The following EMC7 variants were observed in gnomAD, a reference collection of about 807,000 sequenced individuals.
EMC7 encodes ER membrane protein complex subunit 7, also known as endoplasmic reticulum membrane protein complex subunit 7.
In EMC7, 4 loss-of-function variants were observed where a neutral mutation model predicts 24.4. The ratio of observed to expected loss-of-function variants is 0.16; its 90% CI spans 0.08 to 0.38. The LOEUF is 0.38. Ranked by LOEUF, EMC7 falls within the 10% of genes least tolerant of loss-of-function variation. The pLI is 1.00. For synonymous variants in EMC7, 106 were observed against 112.0 expected (o/e 0.95, Z 0.34); for missense variants, 221 against 300.6 (o/e 0.74, Z 1.96).
chr15:34,088,964 C>G (rs1328248645), intron 3 of EMC7, among the ~76,000 whole-genome samples: 1 of 152,168 alleles, frequency 6.6e-6, no homozygotes, highest in East Asian at 1.9e-4. Flanking sequence ...TCAAGCAGTT[C>G]TCCTGCCTCA....
In EMC7 at chr15:34,096,011, T is replaced by C; in HGVS notation, c.240A>G (p.Thr80=). The change falls in exon 2 of 5, where the codon ACA becomes ACG. Residue 80 remains threonine (T), a synonymous_variant. Transcript: ENST00000256545. The part of the protein sequence containing the change: ...DGEEHVGFLK[T]DGSFVVHDIP... ...TATCATGAACCACAAAACTCCCATC[T>C]GTCCTGGAAAAATGAAAATCATGTT... The C allele has an allele frequency of 6.4e-7, 1 of 1,554,656 alleles. No homozygotes were observed. The highest frequency in any genetic ancestry group is 1.7e-5 in the Admixed American group (1 of 58,268).
At position 34,094,422 on chromosome 15, in the gene EMC7, C is replaced by T. The variant is rs567011159; in HGVS notation, c.356+1473G>A. On this transcript the variant is annotated intron_variant, in intron 2 of 4. Transcript: ENST00000256545. ...TGGTGGTAGGTGCCTGTAGTCCCAG[C>T]TACTTAGGAGGCTGAGGCAGAAGAA... is the stretch of plus-strand genomic sequence containing the variant. 9.2e-5 allele frequency among the ~76,000 whole-genome samples: 14 copies of T among 152,184 alleles called. 1 individual carries two copies. Among genetic ancestry groups the T allele is most frequent in the South Asian group, 4.1e-4 (2 of 4,824 alleles).
intron 4 of EMC7, 105 bp from the exon 5 acceptor site, chr15:34,084,591 CTGG>C: frequency 7.6e-7 from 1 of 1,311,396 alleles, no homozygotes; most frequent in Non-Finnish European, 1.1e-6. Context: ...GTGAAAGGTA[CTGG>C]TTCTGAGCAA....
intron 1 of EMC7, among the ~76,000 whole-genome samples, chr15:34,097,039 C>CTTCTTCTTTT (rs1555523492): frequency 1.0e-5 from 1 of 97,622 alleles, no homozygotes; most frequent in Non-Finnish European, 1.9e-5. Flanking sequence ...TGTTCTTCTT[C>CTTCTTCTTTT]TTTTTTTTTT....
chr15:34,088,907 G>C (rs76350713), intron 3 of EMC7, among the ~76,000 whole-genome samples: 2 of 152,058 alleles, frequency 1.3e-5, no homozygotes, highest in African/African-American at 4.8e-5. Context: ...CCGGGCTGAA[G>C]TGTGGTGGTG....
chr15:34,093,823 A>ATATTTTTTTTT (rs1190830993), intron 2 of EMC7, among the ~76,000 whole-genome samples: 6 of 48,704 alleles, frequency 1.2e-4, no homozygotes, highest in African/African-American at 5.5e-4. Flanking sequence ...ATATATATAT[A>ATATTTTTTTTT]TTTTTTTTTT....
chr15:34,094,985 C>T (rs1271417223), intron 2 of EMC7, among the ~76,000 whole-genome samples: 1 of 152,170 alleles, frequency 6.6e-6, no homozygotes, highest in East Asian at 1.9e-4. Context: ...TAAACACTAA[C>T]TCAAATGTAA....
chr15:34,089,394 C>G (rs1900942600), intron 3 of EMC7, among the ~76,000 whole-genome samples: 1 of 152,074 alleles, frequency 6.6e-6, no homozygotes, highest in Non-Finnish European at 1.5e-5. Flanking sequence ...ATGCCTATAT[C>G]AAAACATCAT....
chr15:34,097,834 T>C (rs1901101824), intron 1 of EMC7, among the ~76,000 whole-genome samples: 1 of 151,992 alleles, frequency 6.6e-6, no homozygotes, highest in South Asian at 2.1e-4. Flanking sequence ...CTGGGTGTGG[T>C]GGCATGCGCG....
chr15:34,088,421 AC>A, intron 3 of EMC7, among the ~76,000 whole-genome samples: 1 of 151,464 alleles, frequency 6.6e-6, no homozygotes, highest in Middle Eastern at 3.4e-3. Context: ...TTGCAGAGTT[AC>A]AGTGTTATTT....
chr15:34,095,535 G>C (rs1244166857), intron 2 of EMC7, among the ~76,000 whole-genome samples: 1 of 152,240 alleles, frequency 6.6e-6, no homozygotes, highest in East Asian at 1.9e-4. Context: ...AAATATCCCA[G>C]TGAAAAACAG....
intron 4 of EMC7, 99 bp from the exon 5 acceptor site, chr15:34,084,585 AAG>A: frequency 7.4e-7 from 1 of 1,352,548 alleles, no homozygotes; most frequent in Non-Finnish European, 1.0e-6. Flanking sequence ...GAACAAGTGA[AAG>A]GTACTGGTTC....
At chr15:34,101,492 C>A (rs1901172626) in intron 1 of EMC7, 112 bp downstream of exon 1, 2 of 1,142,234 alleles carry the variant, frequency 1.8e-6, no homozygotes, top group East Asian at 2.4e-5. Flanking sequence ...GCGGCACCCT[C>A]CCCTTCAGTC....
At chr15:34,091,201 A>G (rs1278970894) in intron 2 of EMC7, among the ~76,000 whole-genome samples, 2 of 152,130 alleles carry the variant, frequency 1.3e-5, no homozygotes, top group Non-Finnish European at 2.9e-5. Flanking sequence ...TCAAATATCT[A>G]TAGCCTATTT....
intron 1 of EMC7, 56 bp downstream of exon 1, chr15:34,101,548 G>A (rs1308789807): frequency 1.3e-6 from 2 of 1,561,348 alleles, no homozygotes; most frequent in African/African-American, 2.7e-5. Context: ...TCTCCTGGTG[G>A]GGTCCCTGTC....
chr15:34,095,941 T>C lies in EMC7; in HGVS notation c.310A>G (p.Arg104Gly). Reference protein sequence around the residue: ...YVVEVVSPAYRFDPVRVDITS... With the variant: ...YVVEVVSPAYGFDPVRVDITS... The stretch of plus-strand genomic sequence containing the variant: ...ATATCCACTCGAACGGGATCAAATC[T>C]GTAAGCTGGAGATACAACTTCCACT... The change falls in exon 2 of 5, where the codon AGA becomes GGA. Residue 104 changes from arginine to glycine, a missense_variant. Physicochemically the swap from Arg to Gly is moderately radical, Grantham distance 125. Around this residue, in one of 2 missense-constraint regions of EMC7, gnomAD observed 156 missense variants for 177.1 expected, o/e 0.88. Coordinates refer to ENST00000256545, the MANE Select transcript of EMC7 (RefSeq NM_020154.3). 1 of 1,611,078 alleles carries C rather than the reference T, an allele frequency of 6.2e-7. No individual in the cohort carries two copies. Among genetic ancestry groups the C allele is most frequent in the African/African-American group, 1.3e-5 (1 of 75,040 alleles).
chr15:34,101,450 T>C (rs1303877743), intron 1 of EMC7, among the ~76,000 whole-genome samples, 154 bp downstream of exon 1: 1 of 152,140 alleles, frequency 6.6e-6, no homozygotes, highest in Non-Finnish European at 1.5e-5. Flanking sequence ...AGCATCCGAC[T>C]GCCTCCCAAG....
chr15:34,088,927 C>A (rs1900934200), intron 3 of EMC7, among the ~76,000 whole-genome samples: 1 of 152,148 alleles, frequency 6.6e-6, no homozygotes, highest in South Asian at 2.1e-4. Flanking sequence ...GCAATCTTGG[C>A]TCACTGCAAC....
chr15:34,097,447 T>C (rs1901094349), intron 1 of EMC7, among the ~76,000 whole-genome samples: 1 of 152,212 alleles, frequency 6.6e-6, no homozygotes, highest in Non-Finnish European at 1.5e-5. Flanking sequence ...TTTATGTAGT[T>C]AAAAACATCC....
Sources: allele counts gnomAD v4.1 joint callset (sites outside exome capture counted in the v4.1 genomes callset), GRCh38; gene constraint gnomAD v4.1.1; regional missense constraint gnomAD v4.1.1; transcripts MANE v1.5; gene names NCBI Gene and HGNC (gene_info 2026-07-23, HGNC 2026-07-21).